The following AGPAT5 variants were observed in gnomAD, a reference collection of about 807,000 sequenced individuals.
AGPAT5 encodes 1-acyl-sn-glycerol-3-phosphate acyltransferase epsilon.
Under a neutral mutation model 45.6 loss-of-function variants are expected in AGPAT5, and 46 were observed. The observed-to-expected ratio is 1.01, with a 90% CI of 0.80 to 1.29. AGPAT5 has a LOEUF of 1.29. Among genes scored for constraint, AGPAT5 ranks in the 50% most tolerant of loss-of-function variants. AGPAT5 has a pLI of 0.00. For missense variants in AGPAT5, 673 were observed against 450.7 expected, an observed-to-expected ratio of 1.49 and a Z score of -4.47; for synonymous variants, 272 against 167.0, an observed-to-expected ratio of 1.63 and a Z score of -4.85.
chr8:6,735,143 C>A (rs922617183), intron 4 of AGPAT5, among the ~76,000 whole-genome samples: 1 of 152,162 alleles, frequency 6.6e-6, no homozygotes, highest in Admixed American at 6.5e-5. Context: ...GTATTCCTGC[C>A]TTTACTAAGA....
At position 6,708,790 on chromosome 8, in the gene AGPAT5, TC is replaced by T. The variant is rs1800027634; in HGVS notation, c.124del (p.Leu42CysfsTer46). The T allele has an allele frequency of 1.9e-6, 3 of 1,610,062 alleles. No individual in the cohort carries two copies. Among genetic ancestry groups the T allele is most frequent in the African/African-American group, 1.3e-5 (1 of 74,910 alleles). On this transcript the variant is annotated frameshift_variant, in exon 1 of 8. Coordinates refer to ENST00000285518, the MANE Select transcript of AGPAT5 (RefSeq NM_018361.5). LOFTEE classifies it high-confidence loss of function. Reference protein sequence around the residue: ...AWGVWRLLSAFLPARFYQALD... With the variant: ...AWGVWRLLSAXLPARFYQALD... ...GGGGTCTGGCGGCTGCTCTCCGCCT[TC>T]CTGCCCGCCCGCTTCTACCAAGCGC...
intron 6 of AGPAT5, among the ~76,000 whole-genome samples, chr8:6,754,170 C>T (rs1357662928): frequency 6.6e-6 from 1 of 152,126 alleles, no homozygotes; most frequent in Non-Finnish European, 1.5e-5. Flanking sequence ...ACAGGGAGCC[C>T]CCTACAAAGA....
chr8:6,728,464 A>G (rs1349826115), intron 2 of AGPAT5, among the ~76,000 whole-genome samples: 1 of 152,244 alleles, frequency 6.6e-6, no homozygotes, highest in African/African-American at 2.4e-5. Flanking sequence ...GTTTCCACTA[A>G]AATATTCAAG....
Position 6,759,819 on chromosome 8 carries a change from G to A in AGPAT5, c.*2431G>A, listed in dbSNP as rs994985370. ...AAAATACACTAAAATAATCAAAACT[G>A]TTAAGCAGTATATTAGTTTGGTTAT... On this transcript the variant is annotated 3_prime_UTR_variant, in exon 8 of 8. Coordinates refer to ENST00000285518, the MANE Select transcript of AGPAT5 (RefSeq NM_018361.5). Among the ~76,000 whole-genome samples, 1 of 152,106 alleles carries A rather than the reference G, an allele frequency of 6.6e-6. No homozygotes were observed. Among genetic ancestry groups the A allele is most frequent in the Non-Finnish European group, 1.5e-5 (1 of 68,038 alleles).
At chr8:6,742,264 A>G (rs1023158762) in intron 5 of AGPAT5, among the ~76,000 whole-genome samples, 7 of 152,224 alleles carry the variant, frequency 4.6e-5, no homozygotes, top group Admixed American at 2.0e-4. Context: ...TCAAGTTTCT[A>G]TTGGAGAAGT....
At chr8:6,710,447 A>T (rs988516882) in intron 1 of AGPAT5, among the ~76,000 whole-genome samples, 1 of 152,272 alleles carries the variant, frequency 6.6e-6, no homozygotes, top group African/African-American at 2.4e-5. Flanking sequence ...ACCCTTAAGT[A>T]TAATTCAAAA....
intron 1 of AGPAT5, among the ~76,000 whole-genome samples, chr8:6,712,280 C>G (rs973293661): frequency 6.6e-6 from 1 of 152,036 alleles, no homozygotes; most frequent in Non-Finnish European, 1.5e-5. Flanking sequence ...GTTTTATTTT[C>G]GGAACAAATC....
At chr8:6,755,404 C>A (rs975038822) in intron 7 of AGPAT5, among the ~76,000 whole-genome samples, 9 of 152,296 alleles carry the variant, frequency 5.9e-5, no homozygotes, top group African/African-American at 1.9e-4. Context: ...ATTTCTTGGA[C>A]AATACTACGT....
chr8:6,755,018 T>TAA, intron 6 of AGPAT5, 33 bp from the exon 7 acceptor site: 3 of 1,507,378 alleles, frequency 2.0e-6, no homozygotes, highest in East Asian at 2.3e-5. Flanking sequence ...TCTAAAATAG[T>TAA]AAAAAAAAAG....
chr8:6,732,651 G>C lies in AGPAT5; in HGVS notation c.495+1G>C, dbSNP rs1800904722. 1 of 1,595,342 alleles carries C rather than the reference G, an allele frequency of 6.3e-7. No individual in the cohort carries two copies. The highest frequency in any genetic ancestry group is 1.8e-5 in the Admixed American group (1 of 54,182). ...GAGCTACGTGGACGCAGGAACTCCA[G>C]TAAGAGCCTACCCGTTTTTATTTTT... On this transcript the variant is annotated splice_donor_variant, in intron 4 of 7. Coordinates refer to ENST00000285518, the MANE Select transcript of AGPAT5 (RefSeq NM_018361.5). LOFTEE classifies it high-confidence loss of function.
intron 5 of AGPAT5, among the ~76,000 whole-genome samples, chr8:6,742,324 T>C (rs1306844980): frequency 6.6e-6 from 1 of 152,242 alleles, no homozygotes; most frequent in Non-Finnish European, 1.5e-5. Flanking sequence ...TCTTCAACAA[T>C]GGTAATGTTC....
At chr8:6,752,573 G>T (rs1801689592) in intron 6 of AGPAT5, among the ~76,000 whole-genome samples, 1 of 142,084 alleles carries the variant, frequency 7.0e-6, no homozygotes, top group Non-Finnish European at 1.5e-5. Flanking sequence ...GAGCAAATGG[G>T]GCTTGGTTTT....
At chr8:6,730,024 A>G (rs1404162970) in intron 2 of AGPAT5, among the ~76,000 whole-genome samples, 3 of 152,164 alleles carry the variant, frequency 2.0e-5, no homozygotes, top group African/African-American at 7.2e-5. Context: ...ACATATATAT[A>G]CACACTGAAT....
intron 4 of AGPAT5, among the ~76,000 whole-genome samples, chr8:6,741,053 G>A (rs1006425217): frequency 6.6e-6 from 1 of 152,004 alleles, no homozygotes; most frequent in East Asian, 1.9e-4. Flanking sequence ...CTTATTAAAC[G>A]TCCAGCTTGA....
intron 2 of AGPAT5, among the ~76,000 whole-genome samples, chr8:6,726,772 C>G (rs17077966): frequency 0.028 from 4,205 of 152,254 alleles, 124 homozygotes; most frequent in African/African-American, 0.071. Flanking sequence ...TTCACCCTAC[C>G]TCCGAGTGCC....
At chr8:6,729,091 A>G (rs1800780858) in intron 2 of AGPAT5, among the ~76,000 whole-genome samples, 1 of 152,218 alleles carries the variant, frequency 6.6e-6, no homozygotes, top group African/African-American at 2.4e-5. Flanking sequence ...AGTCATCAAG[A>G]AAAAGTTAAC....
intron 7 of AGPAT5, among the ~76,000 whole-genome samples, chr8:6,755,451 C>G (rs1053966060): frequency 1.3e-5 from 2 of 152,248 alleles, no homozygotes; most frequent in South Asian, 4.1e-4. Flanking sequence ...CAACAACAAA[C>G]ACACAAAAAA....
At chr8:6,713,668 C>G (rs1800228027) in intron 1 of AGPAT5, among the ~76,000 whole-genome samples, 1 of 152,198 alleles carries the variant, frequency 6.6e-6, no homozygotes, top group Non-Finnish European at 1.5e-5. Flanking sequence ...GTCCTCCCAC[C>G]TCAGCCTCCT....
intron 5 of AGPAT5, among the ~76,000 whole-genome samples, chr8:6,743,001 T>G (rs755581734): frequency 1.3e-5 from 2 of 152,228 alleles, no homozygotes; most frequent in Admixed American, 6.5e-5. Flanking sequence ...AAAACCACTC[T>G]CGAATCTGTA....
Sources: gnomAD v4.1 joint callset for allele counts (sites outside exome capture counted in the v4.1 genomes callset) on GRCh38, gnomAD v4.1.1 for gene constraint, MANE v1.5 for transcripts, NCBI Gene and HGNC (gene_info 2026-07-23, HGNC 2026-07-21) for gene names.